Variants in RBMS3 observed in about 807,000 individuals in gnomAD.
RBMS3 encodes RNA binding motif single stranded interacting protein 3, also known as RNA-binding motif, single-stranded-interacting protein 3.
A neutral mutation model predicts 66.8 loss-of-function variants in RBMS3; 27 were observed. The ratio of observed to expected loss-of-function variants is 0.40; its 90% confidence interval spans 0.30 to 0.56. RBMS3 has a LOEUF of 0.56. RBMS3 is among the 20% of genes least tolerant of loss of function. The pLI is 0.40. For synonymous variants in RBMS3, 188 were observed against 183.0 expected, an observed-to-expected ratio of 1.03 and a Z score of -0.22; for missense variants, 513 against 549.5, an observed-to-expected ratio of 0.93 and a Z score of 0.66.
chr3:29,582,740 A>G (rs1462966935), intron 3 of RBMS3, among the ~76,000 whole-genome samples: 1 of 152,222 alleles, frequency 6.6e-6, no homozygotes, highest in Non-Finnish European at 1.5e-5. Flanking sequence ...AAAGCAAATT[A>G]AAGTGGCTTT....
rs538878829 is a variant in RBMS3 at position 29,573,573 on chromosome 3, C to T, written c.308-13541C>T. 1.3e-3 allele frequency among the ~76,000 whole-genome samples: 197 copies of T among 152,026 alleles called. 1 individual carries two copies. The highest frequency in any genetic ancestry group is 2.4e-3 in the Non-Finnish European group (160 of 67,952). ...TTTCTTTGTTTCAAATCATTTATTT[C>T]TACTCTGATCCTGATTTCTTTTCTT... On this transcript the variant is annotated intron_variant, in intron 3 of 14. Transcript: ENST00000383767.
At chr3:29,988,660 C>A (rs1262058995) in intron 13 of RBMS3, among the ~76,000 whole-genome samples, 1 of 152,144 alleles carries the variant, frequency 6.6e-6, no homozygotes, top group East Asian at 1.9e-4. Flanking sequence ...TGATGGCATG[C>A]ACCTGTAATC....
chr3:29,992,843 C>T (rs1302660927), intron 14 of RBMS3, among the ~76,000 whole-genome samples: 2 of 129,404 alleles, frequency 1.5e-5, no homozygotes, highest in South Asian at 2.4e-4. Flanking sequence ...GTCATATCAA[C>T]GATAGGCTAT....
intron 1 of RBMS3, among the ~76,000 whole-genome samples, chr3:29,431,468 T>A (rs1384625908): frequency 2.0e-5 from 3 of 151,952 alleles, no homozygotes; most frequent in African/African-American, 4.8e-5. Context: ...AATTTTTGTA[T>A]TTTTAGTAGA....
intron 4 of RBMS3, among the ~76,000 whole-genome samples, chr3:29,700,413 G>C (rs985580811): frequency 6.6e-6 from 1 of 152,114 alleles, no homozygotes; most frequent in Non-Finnish European, 1.5e-5. Context: ...AGCTTATGAG[G>C]CTCCAGAATT....
intron 5 of RBMS3, among the ~76,000 whole-genome samples, chr3:29,741,040 CAA>C (rs369719098): frequency 2.2e-4 from 20 of 90,824 alleles, no homozygotes; most frequent in Admixed American, 3.7e-4. Flanking sequence ...GACTCCATCT[CAA>C]AAAAAAAAAA....
intron 5 of RBMS3, among the ~76,000 whole-genome samples, chr3:29,745,512 CTGAT>C (rs2054848820): frequency 6.6e-6 from 1 of 151,930 alleles, no homozygotes; most frequent in African/African-American, 2.4e-5. Flanking sequence ...AAACATGAGA[CTGAT>C]TGTCCAGCAA....
chr3:29,506,562 G>A (rs552053573), intron 3 of RBMS3, among the ~76,000 whole-genome samples: 1 of 152,080 alleles, frequency 6.6e-6, no homozygotes, highest in Admixed American at 6.6e-5. Flanking sequence ...GTTCTTGTCA[G>A]GCTTTGATGA....
At chr3:29,521,137 T>C (rs945448692) in intron 3 of RBMS3, among the ~76,000 whole-genome samples, 1 of 152,140 alleles carries the variant, frequency 6.6e-6, no homozygotes, top group East Asian at 1.9e-4. Context: ...CCATCCTTGA[T>C]TATATTAATA....
intron 4 of RBMS3, among the ~76,000 whole-genome samples, chr3:29,688,874 C>T (rs1029303025): frequency 6.6e-6 from 1 of 151,898 alleles, no homozygotes; most frequent in Non-Finnish European, 1.5e-5. Flanking sequence ...AACCACTGTG[C>T]CTGGCCTAGG....
intron 14 of RBMS3, among the ~76,000 whole-genome samples, chr3:29,995,432 C>T (rs916965987): frequency 3.3e-5 from 5 of 151,874 alleles, no homozygotes; most frequent in Admixed American, 6.6e-5. Flanking sequence ...AGATACTCCT[C>T]GAGAAGAGCA....
At chr3:29,599,881 A>G (rs2048084925) in intron 4 of RBMS3, among the ~76,000 whole-genome samples, 1 of 152,142 alleles carries the variant, frequency 6.6e-6, no homozygotes. Flanking sequence ...CTTAATCCAT[A>G]AAGTATTCAC....
At chr3:29,678,120 A>G (rs1329018131) in intron 4 of RBMS3, among the ~76,000 whole-genome samples, 1 of 152,186 alleles carries the variant, frequency 6.6e-6, no homozygotes, top group Non-Finnish European at 1.5e-5. Context: ...CATCATGCTC[A>G]GCTCTGGTTA....
intron 1 of RBMS3, among the ~76,000 whole-genome samples, chr3:29,390,307 A>G (rs4491856): frequency 0.37 from 55,569 of 152,082 alleles, 10,539 homozygotes; most frequent in East Asian, 0.64. Context: ...ATAGATTTGG[A>G]AAATGTGGTT....
intron 3 of RBMS3, among the ~76,000 whole-genome samples, chr3:29,549,824 A>G (rs2046120074): frequency 6.6e-6 from 1 of 152,202 alleles, no homozygotes; most frequent in Admixed American, 6.5e-5. Context: ...CTTGGACTTA[A>G]GGCAGTAAAA....
At position 29,830,814 on chromosome 3, in the gene RBMS3, A is replaced by T. The variant is rs145161030; in HGVS notation, c.638-38044A>T. On this transcript the variant is annotated intron_variant, in intron 6 of 14. Coordinates refer to ENST00000383767, the MANE Select transcript of RBMS3 (RefSeq NM_001003793.3). ...GCCCCTTGTGCATTCATTTCCAGTG[A>T]TGTTTTTAACACCATTTGATCTTAA... Among the ~76,000 whole-genome samples the T allele has an allele frequency of 7.6e-3, 1,163 of 152,224 alleles. 18 individuals are homozygous for T. The highest frequency in any genetic ancestry group is 0.027 in the African/African-American group (1,116 of 41,560).
intron 12 of RBMS3, among the ~76,000 whole-genome samples, chr3:29,965,702 C>A (rs537265385): frequency 1.3e-5 from 2 of 151,980 alleles, no homozygotes; most frequent in South Asian, 4.2e-4. Context: ...GCTGACTGTT[C>A]CTTTTTCTGT....
intron 3 of RBMS3, among the ~76,000 whole-genome samples, chr3:29,544,699 A>ATGTGTGTGTGTGTGTGTGTGTGTGTG (rs138879910): frequency 2.3e-4 from 34 of 150,774 alleles, no homozygotes; most frequent in African/African-American, 7.8e-4. Context: ...TGAAATGTAA[A>ATGTGTGTGTGTGTGTGTGTGTGTGTG]TGTGTGTGTG....
At chr3:29,357,146 C>T (rs1328712048) in intron 1 of RBMS3, among the ~76,000 whole-genome samples, 1 of 151,844 alleles carries the variant, frequency 6.6e-6, no homozygotes, top group Non-Finnish European at 1.5e-5. Flanking sequence ...TGTGCTGCAC[C>T]CATTAACTCG....
Sources: gnomAD v4.1 joint callset for allele counts (sites outside exome capture counted in the v4.1 genomes callset) on GRCh38, gnomAD v4.1.1 for gene constraint, MANE v1.5 for transcripts, NCBI Gene and HGNC (gene_info 2026-07-23, HGNC 2026-07-21) for gene names.